The following KMT2D variants were observed in gnomAD, a reference collection of about 807,000 sequenced individuals.
KMT2D encodes lysine methyltransferase 2D, also known as histone-lysine N-methyltransferase 2D.
KMT2D carries 55 observed loss-of-function variants against 512.7 expected under a neutral mutation model. The ratio of observed to expected loss-of-function variants is 0.11; its 90% confidence interval spans 0.09 to 0.13. The LOEUF (loss-of-function observed/expected upper bound fraction) is 0.13. Among genes scored for constraint, KMT2D ranks in the 10% least tolerant of loss-of-function variants. KMT2D has a pLI of 1.00. For synonymous variants in KMT2D, 2,995 were observed against 2,904.0 expected (o/e 1.03, Z -1.01); for missense variants, 6,061 against 7,127.9 (o/e 0.85, Z 5.39).
At position 49,053,084 on chromosome 12, in the gene KMT2D, G is replaced by A. The variant is rs1938181889; in HGVS notation, c.955-12C>T. Reference sequence around the variant, plus strand: ...CACACCCGGCACGCCTAAGGGAAGGGAGTGGGCAAAACAGGCATTGGTCAG... The same window carrying A: ...CACACCCGGCACGCCTAAGGGAAGGAAGTGGGCAAAACAGGCATTGGTCAG... On this transcript the variant is annotated splice_polypyrimidine_tract_variant and intron_variant, in intron 8 of 54. Transcript: ENST00000301067. 2 of 1,614,018 alleles carry A rather than the reference G, an allele frequency of 1.2e-6. No individual in the cohort carries two copies. The highest frequency in any genetic ancestry group is 1.3e-5 in the African/African-American group (1 of 75,062).
Position 49,033,723 on chromosome 12 carries a change from C to T in KMT2D, c.10982G>A (p.Gly3661Asp), listed in dbSNP as rs765078837. 26 of 1,613,452 alleles carry T rather than the reference C, an allele frequency of 1.6e-5. No homozygotes were observed. The South Asian group carries it at 2.2e-4, about 14-fold the overall frequency. Residue 3661 changes from glycine (G) to aspartate (D), a missense_variant, in exon 40 of 55, where the codon GGT becomes GAT. This residue lies in a region of KMT2D where 1,600 missense variants were observed against 1,754.9 expected (regional missense o/e 0.91). Transcript: ENST00000301067. ...ACCAGGCTGTCCAGGTAGTGCCATA[C>T]CCCCAGGGGTCAGGCGAAGACCTCC... ...QAGGLRLTPG[G>D]MALPGQPGGP... is the part of the protein sequence containing the mutation.
In KMT2D at chr12:49,044,478, C is replaced by T. The variant is rs759615739; in HGVS notation, c.5008G>A (p.Val1670Ile). The stretch of plus-strand genomic sequence containing the variant: ...TTGCCAGGCTCCACATCAGGGCTGA[C>T]GGGGCCCTCCAGTTTAATTTCGCAC... ...MECEIKLEGPVSPDVEPGKEE... is the reference protein window; with the variant it reads ...MECEIKLEGPISPDVEPGKEE... The change falls in exon 21 of 55, where the codon GTC becomes ATC. Residue 1670 changes from valine (V) to isoleucine (I), a missense_variant. Val to Ile is a conservative substitution (Grantham distance 29). Coordinates refer to ENST00000301067, the MANE Select transcript of KMT2D (RefSeq NM_003482.4). This position sits in a 1 kb window ranked among gnomAD's most constrained non-coding sequence, Gnocchi z 6.4. 1.1e-5 allele frequency: 18 copies of T among 1,613,900 alleles called. No homozygotes were observed. The highest frequency in any genetic ancestry group is 4.5e-5 in the East Asian group (2 of 44,898).
rs587778470 is a variant in KMT2D, at chr12:49,037,938, T to C, written c.9418A>G (p.Lys3140Glu). The C allele has an allele frequency of 4.4e-6, 7 of 1,604,374 alleles. No individual in the cohort carries two copies. The highest frequency in any genetic ancestry group is 1.1e-5 in the South Asian group (1 of 89,558). The change falls in exon 35 of 55, where the codon AAG becomes GAG. Residue 3140 changes from lysine (K) to glutamate (E), a missense_variant. Transcript: ENST00000301067. ...SPCQFTIATP[K>E]VEPAPAANSL... ...TTGGCAGCAGGTGCGGGCTCTACCT[T>C]GGGGGTAGCAATGGTGAATTGGCAA...
intron 12 of KMT2D, 98 bp from the exon 13 acceptor site, chr12:49,049,316 A>G: frequency 1.3e-6 from 1 of 775,930 alleles, no homozygotes; most frequent in Non-Finnish European, 2.1e-6. Flanking sequence ...ACAGAGTAAG[A>G]CAGGTAATAA....
chr12:49,038,325 G>C lies in KMT2D; in HGVS notation c.9031C>G (p.His3011Asp), dbSNP rs2120494460. 1 of 1,613,850 alleles carries C rather than the reference G, an allele frequency of 6.2e-7. No individual in the cohort carries two copies. The highest frequency in any genetic ancestry group is 8.5e-7 in the Non-Finnish European group (1 of 1,179,882). Residue 3011 changes from histidine (H) to aspartate (D), a missense_variant, in exon 35 of 55, where the codon CAC (histidine) becomes GAC (aspartate). By Grantham distance (81) the His-to-Asp change is moderately conservative (BLOSUM62 -1). Transcript: ENST00000301067. This position sits in a 1 kb window ranked among gnomAD's most constrained non-coding sequence, Gnocchi z 5.7. ...KALEDDEELA[H>D]LGLGVDVAKG... The stretch of plus-strand genomic sequence containing the variant: ...GCCACATCCACACCCAGACCCAGGT[G>C]AGCAAGCTCTTCATCATCCTCTAGG...
At chr12:49,049,534 G>A (rs573001134) in intron 12 of KMT2D, 148 bp downstream of exon 12, 413 of 863,378 alleles carry the variant, frequency 4.8e-4, no homozygotes, top group Admixed American at 2.7e-3. Flanking sequence ...TCCCTTCTAC[G>A]TATTAGTATT....
chr12:49,038,844 G>C lies in KMT2D; in HGVS notation c.8512C>G (p.Pro2838Ala), dbSNP rs1435901732. 6.4e-7 allele frequency: 1 copy of C among 1,554,940 alleles called. No homozygotes were observed. Among genetic ancestry groups the C allele is most frequent in the Non-Finnish European group, 8.7e-7 (1 of 1,148,820 alleles). Reference sequence around the variant, plus strand: ...CCAAGTTCAGGTCCAGGAGTTGATGGAAAGCGAGCTGACATGGCAAATCGC... The same window carrying C: ...CCAAGTTCAGGTCCAGGAGTTGATGCAAAGCGAGCTGACATGGCAAATCGC... ...SMRFAMSARF[P>A]STPGPELGRQ... Residue 2838 changes from proline to alanine, a missense_variant, in exon 35 of 55, where the codon CCA (proline) becomes GCA (alanine). Around this residue, in one of 16 missense-constraint regions of KMT2D, gnomAD observed 527 missense variants for 578.9 expected, o/e 0.91. Transcript: ENST00000301067. This position sits in a 1 kb window ranked among gnomAD's most constrained non-coding sequence, Gnocchi z 5.7.
rs373858319 is a variant in KMT2D at position 49,041,541 on chromosome 12, G to C, written c.6235-6C>G. ...TTGATCTGGCTCTCAGCCTGCTACA[G>C]GGGGAGACCAGGCATAGGGCAGTCA... On this transcript the variant is annotated splice_polypyrimidine_tract_variant and splice_region_variant and intron_variant, in intron 31 of 54. Coordinates refer to ENST00000301067, the MANE Select transcript of KMT2D (RefSeq NM_003482.4). The surrounding 1 kb of genome is among the most constrained non-coding windows in gnomAD (Gnocchi z 5.4). The C allele has an allele frequency of 4.5e-4, 731 of 1,613,236 alleles. 1 individual carries two copies. Among genetic ancestry groups the C allele is most frequent in the Admixed American group, 1.2e-3 (73 of 59,976 alleles).
chr12:49,029,063 G>A lies in KMT2D; in HGVS notation c.14249C>T (p.Pro4750Leu), dbSNP rs1490843952. 4.4e-6 allele frequency: 7 copies of A among 1,602,288 alleles called. No homozygotes were observed. The East Asian group carries it at 1.6e-4, about 36-fold the overall frequency. ...CCCACATCCAGAGTAGCACATACCT[G>A]GGATGCTGGCCCGAGGAATGAGGGG... ...VIPLIPRASI[P>L]VFPDTKPYGA... Residue 4750 changes from proline (P) to leucine (L), a missense_variant and splice_region_variant, in exon 45 of 55, where the codon CCA becomes CTA. Physicochemically the swap from Pro to Leu is moderately conservative, Grantham distance 98 (BLOSUM62 -3). Around this residue, in one of 16 missense-constraint regions of KMT2D, gnomAD observed 1,600 missense variants for 1,754.9 expected, o/e 0.91. Transcript: ENST00000301067.
At chr12:49,047,912 A>G in intron 15 of KMT2D, 53 bp downstream of exon 15, 2 of 1,258,318 alleles carry the variant, frequency 1.6e-6, no homozygotes, top group Non-Finnish European at 2.3e-6. Flanking sequence ...GAACTAGGGT[A>G]AGAAATAACT....
chr12:49,054,664 T>C lies in KMT2D; in HGVS notation c.264A>G (p.Pro88=), dbSNP rs1261333670. The C allele has an allele frequency of 5.6e-6, 9 of 1,612,732 alleles. No homozygotes were observed. The highest frequency in any genetic ancestry group is 1.1e-5 in the South Asian group (1 of 90,958). ...GQRELRRFEL[P]FDWPRCPVVS... is the part of the protein sequence containing the mutation. ...CCACTGGACACCGGGGCCAATCAAA[T>C]GGCAACTCAAAGCGCCGTAGCTCCC... is the stretch of plus-strand genomic sequence containing the variant. Residue 88 remains proline, a synonymous_variant, in exon 4 of 55, where the codon CCA becomes CCG. Transcript: ENST00000301067. The surrounding 1 kb of genome is among the most constrained non-coding windows in gnomAD (Gnocchi z 6.4).
rs1943814456 is a variant in KMT2D at position 49,046,904 on chromosome 12, G to A, written c.4237-114C>T. The stretch of plus-strand genomic sequence containing the variant: ...CTTGTTCCCCAGGCTGGAGTGCAAT[G>A]GCGCGATCTCGGCTCACTGCAACCT... On this transcript the variant is annotated intron_variant, in intron 15 of 54. Coordinates refer to ENST00000301067, the MANE Select transcript of KMT2D (RefSeq NM_003482.4). This position sits in a 1 kb window ranked among gnomAD's most constrained non-coding sequence, Gnocchi z 4.2. 1 of 938,044 alleles carries A rather than the reference G, an allele frequency of 1.1e-6. No homozygotes were observed. Among genetic ancestry groups the A allele is most frequent in the East Asian group, 2.7e-5 (1 of 37,220 alleles). The allele number at this position is 938,044 out of a possible 1,614,324, so 58.1% of individuals were successfully genotyped here.
intron 35 of KMT2D, 79 bp from the exon 36 acceptor site, chr12:49,035,014 G>A (rs2120463444): frequency 6.4e-7 from 1 of 1,559,780 alleles, no homozygotes; most frequent in African/African-American, 1.4e-5. Context: ...TCAACATCCT[G>A]ACTTCAACCA....
rs756964187 is a variant in KMT2D at position 49,054,491 on chromosome 12, C to A, written c.400+37G>T. 4.4e-6 allele frequency: 7 copies of A among 1,585,256 alleles called. No individual in the cohort carries two copies. The highest frequency in any genetic ancestry group is 6.0e-6 in the Non-Finnish European group (7 of 1,164,182). On this transcript the variant is annotated intron_variant, in intron 4 of 54. Coordinates refer to ENST00000301067, the MANE Select transcript of KMT2D (RefSeq NM_003482.4). This position sits in a 1 kb window ranked among gnomAD's most constrained non-coding sequence, Gnocchi z 6.4. Reference sequence around the variant, plus strand: ...GGATTGCTGGCTCAGGACTACCCAGCCCTTATCCCATTTCCTGCCCCATTC... The same window carrying A: ...GGATTGCTGGCTCAGGACTACCCAGACCTTATCCCATTTCCTGCCCCATTC...
rs2120461273 is a variant in KMT2D at position 49,034,859 on chromosome 12, C to T, written c.10308G>A (p.Lys3436=). 1.2e-6 allele frequency: 2 copies of T among 1,614,052 alleles called. No homozygotes were observed. Residue 3436 remains lysine, a synonymous_variant, in exon 36 of 55, where the codon AAG becomes AAA. Coordinates refer to ENST00000301067, the MANE Select transcript of KMT2D (RefSeq NM_003482.4). ...CAATGCTGCCCTGAGCCATCACTTT[C>T]TTGATGCCTTTCAAAGCCACCATCT... ...KAKMVALKGI[K]KVMAQGSIGV...
In KMT2D at chr12:49,033,617, T is replaced by C. The variant is rs1459341788; in HGVS notation, c.11088A>G (p.Ser3696=). ...SGGAGSLAGP[S]GGFFPGNLAL... Reference sequence around the variant, plus strand: ...CAAGGTTGCCAGGGAAGAAGCCCCCTGAAGGGCCAGCCAGGGATCCAGCCC... The same window carrying C: ...CAAGGTTGCCAGGGAAGAAGCCCCCCGAAGGGCCAGCCAGGGATCCAGCCC... Residue 3696 remains serine (S), a synonymous_variant, in exon 40 of 55, where the codon TCA becomes TCG. Coordinates refer to ENST00000301067, the MANE Select transcript of KMT2D (RefSeq NM_003482.4). 5.6e-6 allele frequency: 9 copies of C among 1,613,498 alleles called. No individual in the cohort carries two copies. The highest frequency in any genetic ancestry group is 1.6e-4 in the Middle Eastern group (1 of 6,084).
chr12:49,032,792 T>G lies in KMT2D; in HGVS notation c.11913A>C (p.Gln3971His), dbSNP rs760102083. The G allele has an allele frequency of 2.6e-6, 4 of 1,553,638 alleles. No homozygotes were observed. The South Asian group carries it at 4.7e-5, about 18-fold the overall frequency. ...GGTTTAAAAGGCCCATCTGCTGCTG[T>G]TGCTGCTGCTGTTGAAACTGCTGCT... ...QQQQQFQQQQQQQQMGLLNQS... is the reference protein window; with the variant it reads ...QQQQQFQQQQHQQQMGLLNQS... Residue 3971 changes from glutamine (Q) to histidine (H), a missense_variant, in exon 40 of 55, where the codon CAA becomes CAC. Gln to His is a conservative substitution (Grantham distance 24). Transcript: ENST00000301067.
chr12:49,042,570 AGGAACGGGGACT>A lies in KMT2D; in HGVS notation c.5846_5857del (p.Gln1949_Phe1952del). The A allele has an allele frequency of 6.2e-7, 1 of 1,613,842 alleles. No homozygotes were observed. The highest frequency in any genetic ancestry group is 1.1e-5 in the South Asian group (1 of 91,074). On this transcript the variant is annotated inframe_deletion, in exon 28 of 55. Coordinates refer to ENST00000301067, the MANE Select transcript of KMT2D (RefSeq NM_003482.4). This position sits in a 1 kb window ranked among gnomAD's most constrained non-coding sequence, Gnocchi z 4.4. ...ACGCAGAGACACCAACCTAGAATCCAGGAACGGGGACTGGCAGAGGCCTGGGTAGGAGTCCAT... is the reference window on the plus strand; with the variant it reads ...ACGCAGAGACACCAACCTAGAATCCAGGCAGAGGCCTGGGTAGGAGTCCAT...
At position 49,034,213 on chromosome 12, in the gene KMT2D, T is replaced by C. The variant is rs1182484389; in HGVS notation, c.10594A>G (p.Ile3532Val). The C allele has an allele frequency of 6.2e-7, 1 of 1,613,686 alleles. No individual in the cohort carries two copies. Among genetic ancestry groups the C allele is most frequent in the Non-Finnish European group, 8.5e-7 (1 of 1,179,886 alleles). ...TTCCGGGACTTGCGGTGTACACCAA[T>C]CTGCTCCTCTAGCACCTTCAGCTGC... Reference protein sequence around the residue: ...QMQLKVLEEQIGVHRKSRKAL... With the variant: ...QMQLKVLEEQVGVHRKSRKAL... Residue 3532 changes from isoleucine to valine, a missense_variant, in exon 39 of 55, where the codon ATT becomes GTT. Around this residue, in one of 16 missense-constraint regions of KMT2D, gnomAD observed 50 missense variants for 119.9 expected, o/e 0.42. Coordinates refer to ENST00000301067, the MANE Select transcript of KMT2D (RefSeq NM_003482.4).
Sources: gnomAD v4.1 joint callset for allele counts on GRCh38, gnomAD v4.1.1 for gene constraint, gnomAD v4.1.1 regional missense constraint, Gnocchi (gnomAD v3.1) non-coding constraint, MANE v1.5 for transcripts, NCBI Gene and HGNC (gene_info 2026-07-23, HGNC 2026-07-21) for gene names.